FGD4: variants seen among roughly 807,000 people sequenced by gnomAD.
FGD4 encodes FYVE, RhoGEF and PH domain containing 4.
A neutral mutation model predicts 102.0 loss-of-function variants in FGD4; 42 were observed. The observed-to-expected ratio is 0.41, with a 90% confidence interval of 0.32 to 0.53. FGD4 has a LOEUF of 0.53. FGD4 is among the 20% of genes least tolerant of loss of function. The pLI, the probability that FGD4 is intolerant of heterozygous loss-of-function variation, is 0.21. For synonymous variants in FGD4, 380 were observed against 375.7 expected, an observed-to-expected ratio of 1.01 and a Z score of -0.13; for missense variants, 902 against 1,078.2, an observed-to-expected ratio of 0.84 and a Z score of 2.29.
intron 1 of FGD4, among the ~76,000 whole-genome samples, chr12:32,563,361 C>T (rs1944849851): frequency 2.8e-5 from 4 of 143,610 alleles, no homozygotes; most frequent in Non-Finnish European, 4.5e-5. Flanking sequence ...ACATCCCAGA[C>T]GGGGTGGCGG....
intron 3 of FGD4, chr12:32,579,723 A>G (rs775922000): frequency 2.0e-5 from 3 of 152,248 alleles, no homozygotes; most frequent in African/African-American, 7.2e-5. Context: ...GTCCTCCTCA[A>G]GGGGGCAAAT....
At chr12:32,414,025 G>A (rs1406074702) in intron 1 of FGD4, among the ~76,000 whole-genome samples, 1 of 148,234 alleles carries the variant, frequency 6.7e-6, no homozygotes, top group African/African-American at 2.5e-5. Flanking sequence ...AGGCTGGAGT[G>A]CAATGGCATG....
intron 1 of FGD4, among the ~76,000 whole-genome samples, chr12:32,554,612 T>C (rs991782159): frequency 1.3e-5 from 2 of 152,112 alleles, no homozygotes; most frequent in African/African-American, 4.8e-5. Context: ...AAGTAAATAA[T>C]GTAGTTTGTT....
intron 1 of FGD4, among the ~76,000 whole-genome samples, chr12:32,437,816 GAT>G (rs1164668243): frequency 6.6e-6 from 1 of 152,120 alleles, no homozygotes; most frequent in African/African-American, 2.4e-5. Context: ...ATATACCACT[GAT>G]AACATTCTTG....
At chr12:32,616,176 G>T (rs933832659) in intron 10 of FGD4, among the ~76,000 whole-genome samples, 1 of 152,184 alleles carries the variant, frequency 6.6e-6, no homozygotes, top group African/African-American at 2.4e-5. Flanking sequence ...AGCCTCTGCA[G>T]TTAAACTCTG....
chr12:32,406,213 A>T (rs1249549584), intron 1 of FGD4, among the ~76,000 whole-genome samples: 3 of 152,174 alleles, frequency 2.0e-5, no homozygotes, highest in South Asian at 4.1e-4. Flanking sequence ...AAGTGTTGGG[A>T]TTACAGGCGT....
intron 1 of FGD4, among the ~76,000 whole-genome samples, chr12:32,563,543 C>T (rs1315809563): frequency 6.6e-6 from 1 of 151,800 alleles, no homozygotes; most frequent in African/African-American, 2.4e-5. Flanking sequence ...AGGGGCTCCT[C>T]ACGTCCCAGA....
intron 12 of FGD4, 106 bp from the exon 13 acceptor site, chr12:32,624,870 T>G (rs1950054422): frequency 1.0e-6 from 1 of 979,500 alleles, no homozygotes; most frequent in Non-Finnish European, 1.6e-6. Flanking sequence ...ACAGGTTCAC[T>G]TAATTTTCAA....
chr12:32,578,560 T>G (rs1322694490), intron 3 of FGD4, among the ~76,000 whole-genome samples: 1 of 152,162 alleles, frequency 6.6e-6, no homozygotes, highest in East Asian at 1.9e-4. Flanking sequence ...CTGGGTACGG[T>G]GGCTCATGCC....
chr12:32,479,107 A>G (rs1194466032), intron 1 of FGD4, among the ~76,000 whole-genome samples: 1 of 152,198 alleles, frequency 6.6e-6, no homozygotes, highest in Non-Finnish European at 1.5e-5. Flanking sequence ...ACAGAGGTGA[A>G]CAGGAAATGT....
At chr12:32,486,599 A>G (rs1245487399) in intron 1 of FGD4, among the ~76,000 whole-genome samples, 1 of 152,144 alleles carries the variant, frequency 6.6e-6, no homozygotes, top group Non-Finnish European at 1.5e-5. Context: ...TGCACCTAAT[A>G]TTTTCTTGGT....
rs1335709890 is a variant in FGD4 at position 32,525,702 on chromosome 12, G to C, written c.167-38435G>C. 9.2e-5 allele frequency among the ~76,000 whole-genome samples: 14 copies of C among 152,328 alleles called. No individual in the cohort carries two copies. The East Asian group carries it at 2.7e-3, about 29-fold the overall frequency. On this transcript the variant is annotated intron_variant, in intron 1 of 16. Transcript: ENST00000534526. ...AGGCACGAGCGGGAACCGGGGCTGCGTGTGGCGCTTGTGGGCCAGCTGGAG... is the reference window on the plus strand; with the variant it reads ...AGGCACGAGCGGGAACCGGGGCTGCCTGTGGCGCTTGTGGGCCAGCTGGAG...
At chr12:32,585,040 G>A (rs921043301) in intron 4 of FGD4, among the ~76,000 whole-genome samples, 2 of 151,464 alleles carry the variant, frequency 1.3e-5, no homozygotes, top group Non-Finnish European at 2.9e-5. Context: ...GAGCAACGTG[G>A]CAAAACCCCA....
intron 1 of FGD4, among the ~76,000 whole-genome samples, chr12:32,503,418 T>C (rs1388192591): frequency 6.6e-6 from 1 of 152,208 alleles, no homozygotes; most frequent in Non-Finnish European, 1.5e-5. Context: ...TAATAGGCCC[T>C]AATTGTTTCA....
rs139357821 is a variant in FGD4, at chr12:32,582,122, A to T, written c.666A>T (p.Ala222=). 2.0e-3 allele frequency: 3,206 copies of T among 1,614,226 alleles called. 4 individuals are homozygous for T. Among genetic ancestry groups the T allele is most frequent in the Non-Finnish European group, 2.6e-3 (3,035 of 1,180,044 alleles). Residue 222 remains alanine, a synonymous_variant, in exon 4 of 17, where the codon GCA becomes GCT. Transcript: ENST00000534526. ...ATGATACAGATAAGACTCAGGGTGC[A>T]CAGACTTGTGTGGCCAACGGTGTAA... ...QGNDTDKTQG[A]QTCVANGVMA... is the part of the protein sequence containing the mutation.
At chr12:32,569,437 T>C (rs10844247) in intron 2 of FGD4, among the ~76,000 whole-genome samples, 27,886 of 152,118 alleles carry the variant, frequency 0.18, 2,609 homozygotes, top group Middle Eastern at 0.28. Context: ...TCTGCTCCAA[T>C]CCTGCTGGCC....
chr12:32,546,803 C>T (rs754683865), intron 1 of FGD4, among the ~76,000 whole-genome samples: 1 of 152,052 alleles, frequency 6.6e-6, no homozygotes, highest in Non-Finnish European at 1.5e-5. Context: ...GGGAGCAGAA[C>T]AAGAGGAAAA....
intron 1 of FGD4, among the ~76,000 whole-genome samples, chr12:32,411,447 T>G (rs553870378): frequency 6.6e-6 from 1 of 151,778 alleles, no homozygotes; most frequent in Non-Finnish European, 1.5e-5. Context: ...GGCAGGAGAA[T>G]TGCTTGAACC....
chr12:32,402,713 A>G (rs1405628845), intron 1 of FGD4, among the ~76,000 whole-genome samples: 1 of 151,922 alleles, frequency 6.6e-6, no homozygotes, highest in African/African-American at 2.4e-5. Flanking sequence ...AAACCGGCTG[A>G]AACTCAAAAT....
Sources: gnomAD v4.1 joint callset for allele counts (sites outside exome capture counted in the v4.1 genomes callset) on GRCh38, gnomAD v4.1.1 for gene constraint, MANE v1.5 for transcripts, NCBI Gene and HGNC (gene_info 2026-07-23, HGNC 2026-07-21) for gene names.